The following STK32B variants were observed in gnomAD, a reference collection of about 807,000 sequenced individuals.
STK32B encodes serine/threonine-protein kinase 32B.
STK32B carries 43 observed loss-of-function variants against 52.6 expected under a neutral mutation model. That is an observed-to-expected ratio of 0.82 (90% CI 0.64 to 1.05). The LOEUF is 1.05. Among genes scored for constraint, STK32B ranks in the 50% least tolerant of loss-of-function variants. The probability of loss-of-function intolerance (pLI) is 0.00; values close to 1 mark genes in which losing one functional copy is unlikely to be tolerated. For missense variants in STK32B, 621 were observed against 534.6 expected, an observed-to-expected ratio of 1.16 and a Z score of -1.59; for synonymous variants, 238 against 204.3, an observed-to-expected ratio of 1.17 and a Z score of -1.41.
chr4:5,097,571 T>C (rs1161401213), intron 1 of STK32B, among the ~76,000 whole-genome samples: 3 of 152,198 alleles, frequency 2.0e-5, no homozygotes, highest in Non-Finnish European at 4.4e-5. Flanking sequence ...AGACACCAGA[T>C]AGCCAAGAAG....
chr4:5,450,364 A>G (rs902622403), intron 7 of STK32B, among the ~76,000 whole-genome samples: 1 of 152,164 alleles, frequency 6.6e-6, no homozygotes, highest in African/African-American at 2.4e-5. Flanking sequence ...AGATGGACAG[A>G]TCTTTAGCCA....
intron 1 of STK32B, among the ~76,000 whole-genome samples, chr4:5,121,451 GGAACA>G (rs1287346937): frequency 6.6e-6 from 1 of 152,080 alleles, no homozygotes. Flanking sequence ...TAAGGATTAG[GGAACA>G]GATCATAAAA....
chr4:5,318,253 G>A (rs75847015), intron 3 of STK32B, among the ~76,000 whole-genome samples: 4,986 of 152,174 alleles, frequency 0.033, 251 homozygotes, highest in African/African-American at 0.11. Flanking sequence ...TAGGGGCTTA[G>A]AAAAAATTTT....
At chr4:5,246,612 A>G (rs1188758420) in intron 3 of STK32B, among the ~76,000 whole-genome samples, 5 of 152,104 alleles carry the variant, frequency 3.3e-5, no homozygotes, top group African/African-American at 9.7e-5. Flanking sequence ...TCTGTTGCTG[A>G]TGAGGAGCTG....
chr4:5,405,530 C>G (rs114322566), intron 5 of STK32B, among the ~76,000 whole-genome samples: 17 of 152,226 alleles, frequency 1.1e-4, no homozygotes, highest in African/African-American at 3.9e-4. Context: ...GAAGAACTAC[C>G]TGAGAGTGGG....
At chr4:5,225,859 C>T (rs1723833101) in intron 3 of STK32B, among the ~76,000 whole-genome samples, 1 of 152,170 alleles carries the variant, frequency 6.6e-6, no homozygotes, top group South Asian at 2.1e-4. Flanking sequence ...CTTAGTAACT[C>T]TGAAAATGAG....
At chr4:5,463,940 T>C (rs772326504) in intron 9 of STK32B, among the ~76,000 whole-genome samples, 8 of 152,160 alleles carry the variant, frequency 5.3e-5, no homozygotes, top group Non-Finnish European at 8.8e-5. Flanking sequence ...TGAGGTTGGG[T>C]AATTTATAAA....
chr4:5,168,108 G>A (rs137986535), intron 2 of STK32B, among the ~76,000 whole-genome samples, 191 bp from the exon 3 acceptor site: 2 of 152,296 alleles, frequency 1.3e-5, no homozygotes, highest in African/African-American at 2.4e-5. Context: ...ATAAATGGAT[G>A]AATCTGGTCC....
intron 3 of STK32B, among the ~76,000 whole-genome samples, chr4:5,257,669 G>A (rs1019253459): frequency 3.5e-4 from 53 of 152,340 alleles, no homozygotes; most frequent in African/African-American, 1.2e-3. Flanking sequence ...GGCTGGGCAT[G>A]GTGGCTCAAG....
At chr4:5,412,789 C>G (rs991554133) in intron 5 of STK32B, among the ~76,000 whole-genome samples, 1 of 152,198 alleles carries the variant, frequency 6.6e-6, no homozygotes, top group Non-Finnish European at 1.5e-5. Context: ...GTTGCATTTT[C>G]CCCCTCTTTA....
chr4:5,461,227 G>A (rs550684892), intron 9 of STK32B, among the ~76,000 whole-genome samples: 29 of 152,322 alleles, frequency 1.9e-4, no homozygotes, highest in Middle Eastern at 3.4e-3. Context: ...CTGCCCGGTA[G>A]CAGTGGTGTG....
intron 3 of STK32B, among the ~76,000 whole-genome samples, chr4:5,222,029 A>G (rs1383382685): frequency 2.0e-5 from 3 of 152,140 alleles, no homozygotes; most frequent in Non-Finnish European, 4.4e-5. Flanking sequence ...CTATTTGAGG[A>G]CCTAGCATTC....
intron 4 of STK32B, among the ~76,000 whole-genome samples, chr4:5,338,955 A>G (rs535712110): frequency 5.9e-5 from 9 of 152,310 alleles, no homozygotes; most frequent in South Asian, 2.1e-4. Flanking sequence ...CAGCATTTGA[A>G]TAAGTGAACT....
At chr4:5,214,607 A>G (rs1050753031) in intron 3 of STK32B, among the ~76,000 whole-genome samples, 1 of 152,166 alleles carries the variant, frequency 6.6e-6, no homozygotes, top group Non-Finnish European at 1.5e-5. Context: ...TGCACTACAC[A>G]CACACTATCT....
chr4:5,236,488 T>A (rs1311190434), intron 3 of STK32B, among the ~76,000 whole-genome samples: 1 of 152,228 alleles, frequency 6.6e-6, no homozygotes, highest in African/African-American at 2.4e-5. Context: ...AAACCCAGGC[T>A]GTATTGCCCA....
intron 3 of STK32B, among the ~76,000 whole-genome samples, chr4:5,267,712 G>T (rs1022998851): frequency 2.0e-5 from 3 of 152,184 alleles, no homozygotes; most frequent in African/African-American, 7.2e-5. Context: ...AGTAGAGAGA[G>T]AACAAATTAC....
At chr4:5,047,680 T>A (rs1577606727), upstream of STK32B, among the ~76,000 whole-genome samples, 3 of 152,206 alleles carry the variant, frequency 2.0e-5, no homozygotes. Context: ...GGCTCCTGGA[T>A]GACAGGAAAG....
At chr4:5,455,174 C>G (rs148969371) in intron 7 of STK32B, among the ~76,000 whole-genome samples, 1,828 of 152,306 alleles carry the variant, frequency 0.012, 19 homozygotes, top group Non-Finnish European at 0.018. Flanking sequence ...TAAAGGTGTC[C>G]CTTCACTCCA....
chr4:5,390,557 C>T (rs1465947722), intron 4 of STK32B, among the ~76,000 whole-genome samples: 1 of 152,164 alleles, frequency 6.6e-6, no homozygotes, highest in African/African-American at 2.4e-5. Flanking sequence ...CTGGTGCTCT[C>T]CTGGTCCCTC....
Sources: gnomAD v4.1 joint callset for allele counts (sites outside exome capture counted in the v4.1 genomes callset) on GRCh38, gnomAD v4.1.1 for gene constraint, MANE v1.5 for transcripts, NCBI Gene and HGNC (gene_info 2026-07-23, HGNC 2026-07-21) for gene names.